FBXW11: variants seen among roughly 807,000 people sequenced by gnomAD.
The protein encoded by FBXW11 is F-box/WD repeat-containing protein 11.
A neutral mutation model predicts 77.6 loss-of-function variants in FBXW11; 19 were observed. The observed-to-expected ratio is 0.24, with a 90% confidence interval of 0.17 to 0.36. The LOEUF (loss-of-function observed/expected upper bound fraction) is 0.36. Among genes scored for constraint, FBXW11 ranks in the 10% least tolerant of loss-of-function variants. The probability of loss-of-function intolerance (pLI) is 1.00; values close to 1 mark genes in which losing one functional copy is unlikely to be tolerated. For missense variants in FBXW11, 334 were observed against 704.2 expected, an observed-to-expected ratio of 0.47 and a Z score of 5.95; for synonymous variants, 235 against 249.4, an observed-to-expected ratio of 0.94 and a Z score of 0.54.
intron 2 of FBXW11, among the ~76,000 whole-genome samples, chr5:171,956,901 C>G (rs1763642906): frequency 6.6e-6 from 1 of 152,166 alleles, no homozygotes; most frequent in Non-Finnish European, 1.5e-5. Context: ...AGAAGCCACC[C>G]CAACAAGAGA....
intron 1 of FBXW11, among the ~76,000 whole-genome samples, chr5:171,972,264 GCC>G (rs1191287596): frequency 2.0e-5 from 3 of 151,628 alleles, no homozygotes; most frequent in Non-Finnish European, 4.4e-5. Context: ...AATTGCTTGA[GCC>G]CAGGAGTTTG....
chr5:171,942,120 G>A (rs912251807), intron 2 of FBXW11, among the ~76,000 whole-genome samples: 1 of 151,278 alleles, frequency 6.6e-6, no homozygotes, highest in African/African-American at 2.4e-5. Context: ...AAAGCTGACC[G>A]AATGCTTCTC....
intron 1 of FBXW11, among the ~76,000 whole-genome samples, chr5:171,958,662 T>C (rs1362893450): frequency 6.6e-6 from 1 of 152,230 alleles, no homozygotes; most frequent in Non-Finnish European, 1.5e-5. Context: ...AATGAACATA[T>C]GTACTACGGC....
intron 1 of FBXW11, among the ~76,000 whole-genome samples, chr5:171,993,530 T>C (rs1440517363): frequency 6.6e-6 from 1 of 152,046 alleles, no homozygotes; most frequent in African/African-American, 2.4e-5. Flanking sequence ...GGAGAATCGA[T>C]TGAACCTGAG....
Position 171,984,522 on chromosome 5 carries a change from T to C in FBXW11, c.45+21936A>G, listed in dbSNP as rs144191854. Among the ~76,000 whole-genome samples, 368 of 152,250 alleles carry C rather than the reference T, an allele frequency of 2.4e-3. 3 individuals are homozygous for C. The highest frequency in any genetic ancestry group is 8.6e-3 in the African/African-American group (359 of 41,548). Reference sequence around the variant, plus strand: ...TAAATATCCAGAATAATGGCACCGGTAATGGAACTAGATAAAGTCATGCTC... The same window carrying C: ...TAAATATCCAGAATAATGGCACCGGCAATGGAACTAGATAAAGTCATGCTC... On this transcript the variant is annotated intron_variant, in intron 1 of 13. Coordinates refer to ENST00000517395, the MANE Select transcript of FBXW11 (RefSeq NM_001378974.1).
At chr5:171,879,222 G>A (rs1448904464) in intron 7 of FBXW11, among the ~76,000 whole-genome samples, 1 of 152,128 alleles carries the variant, frequency 6.6e-6, no homozygotes, top group Admixed American at 6.6e-5. Context: ...AGCCTTTTTA[G>A]ATTGGCTTCT....
intron 2 of FBXW11, among the ~76,000 whole-genome samples, chr5:171,949,894 T>C (rs2113249833): frequency 6.6e-6 from 1 of 152,230 alleles, no homozygotes; most frequent in African/African-American, 2.4e-5. Flanking sequence ...AGAGTATAAT[T>C]TTACCCAGCT....
chr5:171,884,194 C>G (rs1392838810), intron 7 of FBXW11, among the ~76,000 whole-genome samples: 1 of 152,210 alleles, frequency 6.6e-6, no homozygotes, highest in Admixed American at 6.5e-5. Flanking sequence ...AGTCCTTAAT[C>G]CACATTGAGT....
chr5:171,872,963 C>G lies in FBXW11; in HGVS notation c.1249G>C (p.Val417Leu). 6.2e-7 allele frequency: 1 copy of G among 1,614,014 alleles called. No individual in the cohort carries two copies. Among genetic ancestry groups the G allele is most frequent in the Non-Finnish European group, 8.5e-7 (1 of 1,179,962 alleles). Residue 417 changes from valine (V) to leucine (L), a missense_variant, in exon 10 of 14, where the codon GTT (valine) becomes CTT (leucine). By Grantham distance (32) the Val-to-Leu change is conservative. This residue lies in a region of FBXW11 where 50 missense variants were observed against 119.6 expected (regional missense o/e 0.42). Transcript: ENST00000517395. ...KVWSTSTCEFVRTLNGHKRGI... is the reference protein window; with the variant it reads ...KVWSTSTCEFLRTLNGHKRGI... Reference sequence around the variant, plus strand: ...CGCTTGTGCCCATTGAGAGTACGAACAAATTCACAGGTGCTCGTGCTCCAG... The same window carrying G: ...CGCTTGTGCCCATTGAGAGTACGAAGAAATTCACAGGTGCTCGTGCTCCAG...
Position 171,876,615 on chromosome 5 carries a change from C to T in FBXW11, c.972-81G>A. ...TCTGGTATCTGAGCTCTGTCTGGGT[C>T]TGCAATGGTTTGGATATAGTTTGTC... is the stretch of plus-strand genomic sequence containing the variant. On this transcript the variant is annotated intron_variant, in intron 8 of 13. Transcript: ENST00000517395. This position sits in a 1 kb window ranked among gnomAD's most constrained non-coding sequence, Gnocchi z 4.2. 1 of 1,538,842 alleles carries T rather than the reference C, an allele frequency of 6.5e-7. No homozygotes were observed. The highest frequency in any genetic ancestry group is 8.9e-7 in the Non-Finnish European group (1 of 1,128,510).
Position 172,006,523 on chromosome 5 carries a change from C to T in FBXW11, c.-21G>A. ...TCCATGGCGGCCCCGGCGGCCCCGC[C>T]TCGCTCTCCCCGCGCAGCAGCGAAC... On this transcript the variant is annotated 5_prime_UTR_variant, in exon 1 of 14. Coordinates refer to ENST00000517395, the MANE Select transcript of FBXW11 (RefSeq NM_001378974.1). 1.3e-6 allele frequency: 2 copies of T among 1,500,798 alleles called. No individual in the cohort carries two copies. The highest frequency in any genetic ancestry group is 2.9e-5 in the East Asian group (1 of 34,984). 93.0% of individuals were successfully genotyped at this position (1,500,798 alleles called of 1,614,324 possible). A position where few individuals can be genotyped will look rare whatever the true frequency, so the allele number is the denominator to read the frequency against.
chr5:171,962,891 G>A (rs1189462965), intron 1 of FBXW11, among the ~76,000 whole-genome samples: 2 of 152,112 alleles, frequency 1.3e-5, no homozygotes, highest in Non-Finnish European at 2.9e-5. Context: ...GGTATTTTAT[G>A]TTAATCATCT....
intron 1 of FBXW11, among the ~76,000 whole-genome samples, chr5:171,964,690 T>G (rs1764093106): frequency 6.6e-6 from 1 of 152,188 alleles, no homozygotes; most frequent in South Asian, 2.1e-4. Context: ...GAAAGAGCAC[T>G]CTCACCACCA....
Position 171,868,767 on chromosome 5 carries a change from C to T in FBXW11, c.1560G>A (p.Gln520=), listed in dbSNP as rs1326556308. The T allele has an allele frequency of 1.9e-6, 3 of 1,613,790 alleles. No homozygotes were observed. The highest frequency in any genetic ancestry group is 2.5e-6 in the Non-Finnish European group (3 of 1,179,862). Residue 520 remains glutamine, a synonymous_variant, in exon 13 of 14, where the codon CAG becomes CAA. Coordinates refer to ENST00000517395, the MANE Select transcript of FBXW11 (RefSeq NM_001378974.1). ...VEHSGRVFRL[Q]FDEFQIISSS... ...TGCTGATGATCTGAAACTCATCAAA[C>T]TGGAGCCGAAACACACGTCCAGAAT...
At chr5:171,915,613 C>CTGTG (rs200618306) in intron 2 of FBXW11, among the ~76,000 whole-genome samples, 4,114 of 129,578 alleles carry the variant, frequency 0.032, 197 homozygotes, top group African/African-American at 0.099. Context: ...GTCACTCATT[C>CTGTG]TGTGTGTGTG....
chr5:171,916,844 T>C (rs921459460), intron 2 of FBXW11, among the ~76,000 whole-genome samples: 2 of 152,188 alleles, frequency 1.3e-5, no homozygotes, highest in Non-Finnish European at 2.9e-5. Context: ...ACCCCATGTC[T>C]CCAGGTACTG....
At position 171,985,347 on chromosome 5, in the gene FBXW11, C is replaced by T. The variant is rs149645368; in HGVS notation, c.45+21111G>A. Among the ~76,000 whole-genome samples, 491 of 152,282 alleles carry T rather than the reference C, an allele frequency of 3.2e-3. 2 individuals are homozygous for T. Among genetic ancestry groups the T allele is most frequent in the Admixed American group, 0.012 (187 of 15,294 alleles). On this transcript the variant is annotated intron_variant, in intron 1 of 13. Transcript: ENST00000517395. Reference sequence around the variant, plus strand: ...TAGGCAGGGATCACACGCTCAAAAACTTACATGTGGCTCACACCTGTAACC... The same window carrying T: ...TAGGCAGGGATCACACGCTCAAAAATTTACATGTGGCTCACACCTGTAACC...
At chr5:171,900,362 A>T (rs534178504) in intron 4 of FBXW11, among the ~76,000 whole-genome samples, 2 of 152,308 alleles carry the variant, frequency 1.3e-5, no homozygotes, top group Non-Finnish European at 2.9e-5. Flanking sequence ...TTATTTGTCA[A>T]ATATTAAGAT....
At chr5:171,913,382 A>G (rs575946823) in intron 3 of FBXW11, among the ~76,000 whole-genome samples, 1 of 152,354 alleles carries the variant, frequency 6.6e-6, no homozygotes, top group East Asian at 1.9e-4. Flanking sequence ...AGTGTGAAGA[A>G]CCACTGCCAA....
Sources: allele counts gnomAD v4.1 joint callset (sites outside exome capture counted in the v4.1 genomes callset), GRCh38; gene constraint gnomAD v4.1.1; regional missense constraint gnomAD v4.1.1; non-coding constraint Gnocchi (gnomAD v3.1); transcripts MANE v1.5; gene names NCBI Gene and HGNC (gene_info 2026-07-23, HGNC 2026-07-21).